Variants in TANC2 observed in about 807,000 individuals in gnomAD.
The protein encoded by TANC2 is tetratricopeptide repeat, ankyrin repeat and coiled-coil containing 2.
In TANC2, 26 loss-of-function variants were observed where a neutral mutation model predicts 210.5. That is an observed-to-expected ratio of 0.12 (90% CI 0.09 to 0.17). The LOEUF is 0.17. Among genes scored for constraint, TANC2 ranks in the 10% least tolerant of loss-of-function variants. The pLI is 1.00. For missense variants in TANC2, 2,129 were observed against 2,608.9 expected (o/e 0.82, Z 4.01); for synonymous variants, 931 against 967.1 (o/e 0.96, Z 0.69).
At chr17:63,230,921 GAACTT>G (rs1372625589) in intron 7 of TANC2, among the ~76,000 whole-genome samples, 48 of 152,184 alleles carry the variant, frequency 3.2e-4, no homozygotes, top group Admixed American at 1.2e-3. Flanking sequence ...AGGTCTCTAA[GAACTT>G]GTTTTATGAA....
At chr17:63,173,247 T>G (rs571162013) in intron 5 of TANC2, among the ~76,000 whole-genome samples, 27 of 152,206 alleles carry the variant, frequency 1.8e-4, no homozygotes, top group Non-Finnish European at 3.4e-4. Flanking sequence ...TTTGAGAGAC[T>G]GAGTGTGTAG....
At chr17:63,118,626 TATTG>T (rs1288521699) in intron 4 of TANC2, among the ~76,000 whole-genome samples, 1 of 152,130 alleles carries the variant, frequency 6.6e-6, no homozygotes. Flanking sequence ...CTTATTGATT[TATTG>T]ATTGATTGAG....
intron 1 of TANC2, among the ~76,000 whole-genome samples, chr17:63,006,555 G>A (rs906214422): frequency 1.3e-5 from 2 of 151,944 alleles, no homozygotes; most frequent in African/African-American, 2.4e-5. Flanking sequence ...TAATTTTTAA[G>A]CAACAGGAGA....
chr17:63,272,563 C>T lies in TANC2; in HGVS notation c.1159+4690C>T, dbSNP rs137987152. ...ACTTTTGGCAGTATGGCCATTTTAA[C>T]GACATTGATTCTTCCTATTCATGAG... is the stretch of plus-strand genomic sequence containing the variant. On this transcript the variant is annotated intron_variant, in intron 9 of 27. Transcript: ENST00000689528. Among the ~76,000 whole-genome samples the T allele has an allele frequency of 6.6e-3, 1,010 of 152,192 alleles. 14 individuals are homozygous for T. Among genetic ancestry groups the T allele is most frequent in the African/African-American group, 0.022 (922 of 41,542 alleles).
intron 14 of TANC2, among the ~76,000 whole-genome samples, chr17:63,367,423 G>T (rs1183974122): frequency 1.3e-5 from 2 of 152,016 alleles, no homozygotes; most frequent in Non-Finnish European, 2.9e-5. Flanking sequence ...TAGCTCATCT[G>T]GTATCTGTAG....
intron 2 of TANC2, among the ~76,000 whole-genome samples, chr17:63,020,019 C>T (rs960551439): frequency 4.6e-5 from 7 of 152,156 alleles, no homozygotes; most frequent in Non-Finnish European, 7.3e-5. Context: ...CTCCCCGTCC[C>T]GGGTTCAAGC....
At chr17:63,225,709 A>G (rs975234059) in intron 7 of TANC2, among the ~76,000 whole-genome samples, 2 of 152,186 alleles carry the variant, frequency 1.3e-5, no homozygotes, top group Non-Finnish European at 2.9e-5. Context: ...CAAATTATCA[A>G]GTCCATTCAT....
At chr17:63,372,251 C>T (rs920192611) in intron 14 of TANC2, among the ~76,000 whole-genome samples, 2 of 152,196 alleles carry the variant, frequency 1.3e-5, no homozygotes. Context: ...TTACCCTCCC[C>T]TCTGCCTGAA....
intron 11 of TANC2, among the ~76,000 whole-genome samples, chr17:63,337,776 C>T (rs2046084796): frequency 6.6e-6 from 1 of 152,196 alleles, no homozygotes; most frequent in African/African-American, 2.4e-5. Flanking sequence ...TCCTCCCACT[C>T]TCCGCCCTCC....
chr17:63,000,410 A>G (rs1568307080), intron 1 of TANC2, among the ~76,000 whole-genome samples: 1 of 152,206 alleles, frequency 6.6e-6, no homozygotes, highest in Non-Finnish European at 1.5e-5. Context: ...AATATACAGG[A>G]GGGATGAACA....
chr17:63,147,434 A>G (rs990764896), intron 4 of TANC2, among the ~76,000 whole-genome samples: 5 of 152,186 alleles, frequency 3.3e-5, no homozygotes, highest in African/African-American at 4.8e-5. Flanking sequence ...TTTGTATTTC[A>G]TTACAGCTTT....
intron 4 of TANC2, among the ~76,000 whole-genome samples, chr17:63,127,903 C>T (rs894174817): frequency 2.6e-5 from 4 of 152,186 alleles, no homozygotes; most frequent in African/African-American, 7.2e-5. Flanking sequence ...CTTTGTGACA[C>T]CTACTGACTG....
chr17:63,252,815 GT>G (rs1567855146), intron 8 of TANC2, among the ~76,000 whole-genome samples: 1 of 151,736 alleles, frequency 6.6e-6, no homozygotes, highest in East Asian at 1.9e-4. Flanking sequence ...TTGTGTTTTG[GT>G]TTTTTTGGAA....
chr17:63,090,317 C>T (rs1470679941), intron 3 of TANC2, among the ~76,000 whole-genome samples: 3 of 150,580 alleles, frequency 2.0e-5, no homozygotes, highest in African/African-American at 7.4e-5. Context: ...CACCCATTAA[C>T]TCATCATTTA....
chr17:63,183,928 A>T (rs1245724025), intron 5 of TANC2, among the ~76,000 whole-genome samples: 2 of 152,084 alleles, frequency 1.3e-5, no homozygotes, highest in African/African-American at 4.8e-5. Flanking sequence ...GAGGCAGGAG[A>T]ATGGCGTGAA....
intron 9 of TANC2, among the ~76,000 whole-genome samples, chr17:63,270,203 C>A (rs1357422308): frequency 3.9e-5 from 6 of 152,042 alleles, no homozygotes; most frequent in Admixed American, 3.3e-4. Context: ...GAACAATAAT[C>A]CTCTCTCAAA....
chr17:63,354,042 A>G (rs1192713979), intron 13 of TANC2, among the ~76,000 whole-genome samples: 2 of 152,120 alleles, frequency 1.3e-5, no homozygotes, highest in Non-Finnish European at 2.9e-5. Flanking sequence ...TGGAAGGAAG[A>G]ATATGGAGTT....
At chr17:63,206,460 G>A (rs1178469706) in intron 7 of TANC2, among the ~76,000 whole-genome samples, 1 of 152,098 alleles carries the variant, frequency 6.6e-6, no homozygotes, top group Non-Finnish European at 1.5e-5. Flanking sequence ...AAATGAATAT[G>A]GACAGATGAC....
rs746641642 is a variant in TANC2, at chr17:62,967,250, C to G, written c.-24+501C>G. 5.3e-5 allele frequency: 8 copies of G among 152,168 alleles called. No homozygotes were observed. In the South Asian group the frequency reaches 6.2e-4, roughly 12 times the overall value. 9.4% of individuals were successfully genotyped at this position (152,168 alleles called of 1,614,324 possible). ...AATAAAAGATTAATAAGGCTCATTGCTAGATATTTTGCCATAGGAAATCGG... is the reference window on the plus strand; with the variant it reads ...AATAAAAGATTAATAAGGCTCATTGGTAGATATTTTGCCATAGGAAATCGG... On this transcript the variant is annotated intron_variant, in intron 1 of 27. Transcript: ENST00000689528.
Sources: allele counts gnomAD v4.1 joint callset (sites outside exome capture counted in the v4.1 genomes callset), GRCh38; gene constraint gnomAD v4.1.1; transcripts MANE v1.5; gene names NCBI Gene and HGNC (gene_info 2026-07-23, HGNC 2026-07-21).